TMTC4: variants seen among roughly 807,000 people sequenced by gnomAD.
The protein encoded by TMTC4 is protein O-mannosyl-transferase TMTC4.
Under a neutral mutation model 86.0 loss-of-function variants are expected in TMTC4, and 65 were observed. The observed-to-expected ratio is 0.76, with a 90% confidence interval of 0.62 to 0.93. The LOEUF (loss-of-function observed/expected upper bound fraction) is 0.93, where lower values mean the gene tolerates loss of function less well. TMTC4 is among the 40% of genes least tolerant of loss of function. The pLI is 0.00. For synonymous variants in TMTC4, 379 were observed against 382.5 expected (o/e 0.99, Z 0.11); for missense variants, 866 against 948.1 (o/e 0.91, Z 1.14).
chr13:100,663,466 C>G (rs895508826), intron 4 of TMTC4, among the ~76,000 whole-genome samples: 1 of 152,112 alleles, frequency 6.6e-6, no homozygotes, highest in African/African-American at 2.4e-5. Flanking sequence ...GAAAGCTAGA[C>G]GATGTTTTAA....
At chr13:100,611,490 C>T (rs1472339995) in intron 17 of TMTC4, among the ~76,000 whole-genome samples, 1 of 152,128 alleles carries the variant, frequency 6.6e-6, no homozygotes, top group African/African-American at 2.4e-5. Context: ...GAGGCTGAGG[C>T]AGGAGAATGG....
chr13:100,655,012 G>A (rs1884903905), intron 6 of TMTC4, among the ~76,000 whole-genome samples: 1 of 121,700 alleles, frequency 8.2e-6, no homozygotes, highest in Non-Finnish European at 1.7e-5. Context: ...AAGCCACAAC[G>A]CCTATTTTTT....
intron 12 of TMTC4, among the ~76,000 whole-genome samples, chr13:100,628,870 C>T (rs60861157): frequency 3.3e-5 from 5 of 152,114 alleles, no homozygotes; most frequent in East Asian, 1.9e-4. Flanking sequence ...ATTTGTTGGC[C>T]GGGCGCAGTG....
chr13:100,615,979 T>C (rs917185004), intron 15 of TMTC4, among the ~76,000 whole-genome samples: 1 of 152,188 alleles, frequency 6.6e-6, no homozygotes, highest in Non-Finnish European at 1.5e-5. Flanking sequence ...TATGAGAACA[T>C]GTGGCATTTG....
intron 17 of TMTC4, 47 bp from the exon 18 acceptor site, chr13:100,606,474 G>A (rs1290748665): frequency 1.3e-6 from 2 of 1,515,766 alleles, no homozygotes; most frequent in Non-Finnish European, 9.1e-7. Context: ...TGTACATGAA[G>A]CAAAAGCAGT....
At chr13:100,610,387 C>T (rs1418697227) in intron 17 of TMTC4, among the ~76,000 whole-genome samples, 2 of 152,174 alleles carry the variant, frequency 1.3e-5, no homozygotes, top group Non-Finnish European at 2.9e-5. Flanking sequence ...AAGAGGAAAA[C>T]CTAAACAGTT....
At chr13:100,674,259 C>G in intron 1 of TMTC4, 3 of 979,614 alleles carry the variant, frequency 3.1e-6, no homozygotes, top group Non-Finnish European at 3.6e-6. Context: ...GCGGGGGAGC[C>G]GCCGCGGAAC....
At chr13:100,673,981 G>C (rs1566657787) in intron 1 of TMTC4, 5 of 974,560 alleles carry the variant, frequency 5.1e-6, no homozygotes, top group South Asian at 4.7e-5. Flanking sequence ...TGGCTAGATC[G>C]TTCCTCTAAC....
chr13:100,637,690 G>T lies in TMTC4; in HGVS notation c.847C>A (p.Leu283Ile). ...CTGAAGAGGAGGCCCCCGTTCCTGA[G>T]CATGCCGAGATTCTGCAAGGACATC... ...KDKSLENLGM[L>I]RNGGLLFRMT... The change falls in exon 9 of 19, where the codon CTC (leucine) becomes ATC (isoleucine). Residue 283 changes from leucine (L) to isoleucine (I), a missense_variant. Physicochemically the swap from Leu to Ile is conservative, Grantham distance 5 (BLOSUM62 2). Coordinates refer to ENST00000342624, the MANE Select transcript of TMTC4 (RefSeq NM_032813.5). 6.2e-7 allele frequency: 1 copy of T among 1,613,934 alleles called. No homozygotes were observed. The highest frequency in any genetic ancestry group is 1.3e-5 in the African/African-American group (1 of 75,058).
rs762656434 is a variant in TMTC4, at chr13:100,637,646, A to G, written c.891T>C (p.Ser297=). The change falls in exon 9 of 19, where the codon TCT becomes TCC. Residue 297 remains serine, a synonymous_variant. Coordinates refer to ENST00000342624, the MANE Select transcript of TMTC4 (RefSeq NM_032813.5). Reference sequence around the variant, plus strand: ...GCACGTAGAGCATCCCAGCCCCTCCAGAGGTGAGCAGGGTCATTCTGAAGA... The same window carrying G: ...GCACGTAGAGCATCCCAGCCCCTCCGGAGGTGAGCAGGGTCATTCTGAAGA... ...GLLFRMTLLT[S]GGAGMLYVRW... is the part of the protein sequence containing the mutation. 19 of 1,614,186 alleles carry G rather than the reference A, an allele frequency of 1.2e-5. No individual in the cohort carries two copies. In the South Asian group the frequency reaches 1.8e-4, roughly 15 times the overall value.
chr13:100,674,900 G>GC (rs911127877), upstream of TMTC4: 526 of 983,070 alleles, frequency 5.4e-4, no homozygotes, highest in Admixed American at 1.7e-3. Context: ...GCGCGCGGGC[G>GC]CCCCCCAGCA....
chr13:100,626,027 A>G (rs764237386), intron 13 of TMTC4, 44 bp downstream of exon 13: 2 of 1,611,328 alleles, frequency 1.2e-6, no homozygotes, highest in Non-Finnish European at 1.7e-6. Flanking sequence ...GAAAGTGAAA[A>G]CGATCTGTGT....
intron 6 of TMTC4, among the ~76,000 whole-genome samples, chr13:100,655,011 C>T (rs2786956): frequency 0.45 from 63,910 of 141,446 alleles, 14,192 homozygotes; most frequent in East Asian, 0.6. Context: ...AAAGCCACAA[C>T]GCCTATTTTT....
intron 2 of TMTC4, 101 bp downstream of exon 2, chr13:100,670,259 T>C: frequency 7.2e-7 from 1 of 1,394,708 alleles, no homozygotes; most frequent in Non-Finnish European, 9.8e-7. Flanking sequence ...ATGGAATCAA[T>C]AAGAAGCCAG....
chr13:100,633,186 C>A (rs1269241751), intron 12 of TMTC4, among the ~76,000 whole-genome samples: 1 of 151,920 alleles, frequency 6.6e-6, no homozygotes, highest in African/African-American at 2.4e-5. Flanking sequence ...GTGGCGCATG[C>A]CTGTCCTAGC....
chr13:100,645,846 T>C (rs920784280), intron 6 of TMTC4, among the ~76,000 whole-genome samples: 1 of 151,822 alleles, frequency 6.6e-6, no homozygotes, highest in South Asian at 2.1e-4. Flanking sequence ...TGGAGGGGGG[T>C]TGCCCTGTGA....
chr13:100,627,871 T>G (rs984641447), intron 12 of TMTC4, among the ~76,000 whole-genome samples: 4 of 151,882 alleles, frequency 2.6e-5, no homozygotes, highest in Non-Finnish European at 5.9e-5. Context: ...GAGAAGCAGG[T>G]GTCAGGGGCT....
chr13:100,623,117 A>G (rs1268748384), intron 15 of TMTC4, among the ~76,000 whole-genome samples: 1 of 152,234 alleles, frequency 6.6e-6, no homozygotes. Context: ...CCCACAAACC[A>G]TGGCTTCTGC....
chr13:100,629,435 T>C (rs562338593), intron 12 of TMTC4, among the ~76,000 whole-genome samples: 60 of 152,222 alleles, frequency 3.9e-4, no homozygotes, highest in African/African-American at 1.4e-3. Context: ...CCGTGGCTGC[T>C]GTGACCCTCT....
Sources: gnomAD v4.1 joint callset for allele counts (sites outside exome capture counted in the v4.1 genomes callset) on GRCh38, gnomAD v4.1.1 for gene constraint, MANE v1.5 for transcripts, NCBI Gene and HGNC (gene_info 2026-07-23, HGNC 2026-07-21) for gene names.